Variants in ADAMTSL1 observed in about 807,000 individuals in gnomAD.
ADAMTSL1 encodes ADAMTS-like protein 1.
Under a neutral mutation model 201.8 loss-of-function variants are expected in ADAMTSL1, and 126 were observed. That is an observed-to-expected ratio of 0.62 (90% CI 0.54 to 0.72). The LOEUF (loss-of-function observed/expected upper bound fraction) is 0.72. ADAMTSL1 is among the 30% of genes least tolerant of loss of function. The probability of loss-of-function intolerance (pLI) is 0.00; values close to 1 mark genes in which losing one functional copy is unlikely to be tolerated. For synonymous variants in ADAMTSL1, 1,121 were observed against 903.4 expected, an observed-to-expected ratio of 1.24 and a Z score of -4.32; for missense variants, 2,679 against 2,277.8, an observed-to-expected ratio of 1.18 and a Z score of -3.59.
intron 2 of ADAMTSL1, among the ~76,000 whole-genome samples, chr9:18,335,724 G>A (rs1383765763): frequency 6.6e-6 from 1 of 152,092 alleles, no homozygotes; most frequent in East Asian, 1.9e-4. Context: ...GTCTGTATAA[G>A]GTGGTGTAAA....
intron 2 of ADAMTSL1, among the ~76,000 whole-genome samples, chr9:18,398,348 G>C (rs118160599): frequency 6.6e-6 from 1 of 152,082 alleles, no homozygotes; most frequent in Non-Finnish European, 1.5e-5. Context: ...GTTTAAGAAT[G>C]ACCTGAACAC....
intron 1 of ADAMTSL1, among the ~76,000 whole-genome samples, chr9:18,158,059 A>G (rs1827232132): frequency 6.6e-6 from 1 of 151,980 alleles, no homozygotes; most frequent in East Asian, 1.9e-4. Flanking sequence ...GACCCTTTCA[A>G]CATTGAAAGC....
At chr9:18,005,010 G>A (rs1819755087) in intron 1 of ADAMTSL1, among the ~76,000 whole-genome samples, 1 of 152,100 alleles carries the variant, frequency 6.6e-6, no homozygotes, top group East Asian at 1.9e-4. Flanking sequence ...GAGAGACAAA[G>A]TTTCTGACCT....
chr9:18,269,144 A>G (rs533756715), intron 2 of ADAMTSL1, among the ~76,000 whole-genome samples: 4 of 152,278 alleles, frequency 2.6e-5, no homozygotes, highest in Non-Finnish European at 4.4e-5. Context: ...TCCTTATGCT[A>G]CAAAGACTAT....
At chr9:18,492,448 A>G (rs1822313855) in intron 1 of ADAMTSL1, among the ~76,000 whole-genome samples, 1 of 152,206 alleles carries the variant, frequency 6.6e-6, no homozygotes, top group Admixed American at 6.5e-5. Flanking sequence ...GATCTGCCAT[A>G]GGTTCTGGAT....
intron 1 of ADAMTSL1, among the ~76,000 whole-genome samples, chr9:17,985,453 G>A (rs1464951787): frequency 1.3e-5 from 2 of 151,800 alleles, no homozygotes; most frequent in Non-Finnish European, 2.9e-5. Flanking sequence ...TTAACCACAA[G>A]GAAAATAAAA....
At chr9:18,619,874 T>C (rs1825921502) in intron 4 of ADAMTSL1, among the ~76,000 whole-genome samples, 1 of 152,190 alleles carries the variant, frequency 6.6e-6, no homozygotes, top group African/African-American at 2.4e-5. Flanking sequence ...GTCAAGGATC[T>C]TGTCAGATTA....
chr9:18,894,358 T>TTTTTTTC (rs1458696188), intron 26 of ADAMTSL1, among the ~76,000 whole-genome samples: 1 of 150,830 alleles, frequency 6.6e-6, no homozygotes, highest in Non-Finnish European at 1.5e-5. Context: ...TTTTTTTTTT[T>TTTTTTTC]TTTGAAAAAG....
intron 20 of ADAMTSL1, 37 bp from the exon 21 acceptor site, chr9:18,817,072 C>G: frequency 6.2e-7 from 1 of 1,602,986 alleles, no homozygotes. Context: ...TCCACAGTCA[C>G]CACCAAGTAA....
At chr9:17,942,902 T>C (rs2131351389) in intron 1 of ADAMTSL1, among the ~76,000 whole-genome samples, 1 of 152,300 alleles carries the variant, frequency 6.6e-6, no homozygotes, top group East Asian at 1.9e-4. Flanking sequence ...CCTGATTGCA[T>C]ACTACAATGT....
At chr9:18,349,555 G>A (rs898572707) in intron 2 of ADAMTSL1, among the ~76,000 whole-genome samples, 17 of 152,194 alleles carry the variant, frequency 1.1e-4, no homozygotes, top group Admixed American at 9.2e-4. Flanking sequence ...TTTAAAAGGT[G>A]TAATGCAATT....
intron 2 of ADAMTSL1, among the ~76,000 whole-genome samples, chr9:18,302,625 G>A (rs1457480637): frequency 6.6e-6 from 1 of 152,114 alleles, no homozygotes; most frequent in Non-Finnish European, 1.5e-5. Flanking sequence ...ATTTTAATAT[G>A]ACTTAAACCC....
chr9:18,725,690 A>G (rs923668533), intron 15 of ADAMTSL1, among the ~76,000 whole-genome samples: 1 of 152,224 alleles, frequency 6.6e-6, no homozygotes, highest in African/African-American at 2.4e-5. Context: ...CAGAATAAAA[A>G]AAAAAGAAAG....
At chr9:17,946,107 TGTG>T (rs1827463813) in intron 1 of ADAMTSL1, among the ~76,000 whole-genome samples, 1 of 119,620 alleles carries the variant, frequency 8.4e-6, no homozygotes. Context: ...TGTGTGTGTG[TGTG>T]TACAAACAGA....
intron 10 of ADAMTSL1, 117 bp downstream of exon 10, chr9:18,676,024 A>C (rs1174810525): frequency 9.7e-7 from 1 of 1,028,500 alleles, no homozygotes; most frequent in Non-Finnish European, 1.5e-6. Context: ...TTAAGATGGT[A>C]GATGGTATAT....
In ADAMTSL1 at chr9:18,099,351, ATATATTTTTTTT is replaced by A. The variant is rs1442041563; in HGVS notation, c.88-64509_88-64498del. Among the ~76,000 whole-genome samples the A allele has an allele frequency of 2.7e-4, 14 of 52,638 alleles. 2 individuals carry two copies. Among genetic ancestry groups the A allele is most frequent in the African/African-American group, 1.1e-3 (14 of 12,386 alleles). 34.5% of individuals were successfully genotyped at this position (52,638 alleles called of 152,430 possible). On this transcript the variant is annotated intron_variant, in intron 1 of 29. Transcript: ENST00000680146. ...AATATATATATATATATATATATAT[ATATATTTTTTTT>A]TTTTTTTTTAACATCCATTAATTTT...
rs1827877028 is a variant in ADAMTSL1, at chr9:17,955,005, A to C, written c.87+48083A>C. Reference sequence around the variant, plus strand: ...AGCTTGCAAGATAGGAGTTAAGTGCAAACGGATGTGGCCCCAGTTAAAAAT... The same window carrying C: ...AGCTTGCAAGATAGGAGTTAAGTGCCAACGGATGTGGCCCCAGTTAAAAAT... On this transcript the variant is annotated intron_variant, in intron 1 of 29. Coordinates refer to the ADAMTSL1 transcript ENST00000680146. Among the ~76,000 whole-genome samples, 3 of 152,186 alleles carry C rather than the reference A, an allele frequency of 2.0e-5. No homozygotes were observed. The South Asian group carries it at 6.2e-4, about 32-fold the overall frequency.
chr9:18,274,500 G>A (rs1236846416), intron 2 of ADAMTSL1, among the ~76,000 whole-genome samples: 2 of 152,042 alleles, frequency 1.3e-5, no homozygotes, highest in Admixed American at 6.5e-5. Flanking sequence ...AATCTGCAAT[G>A]TCTGAGGTAT....
intron 2 of ADAMTSL1, among the ~76,000 whole-genome samples, chr9:18,271,055 A>C (rs779995296): frequency 2.6e-5 from 4 of 152,196 alleles, no homozygotes; most frequent in Non-Finnish European, 1.5e-5. Flanking sequence ...CATGAGCAAG[A>C]AATGCATGTT....
Sources: gnomAD v4.1 joint callset for allele counts (sites outside exome capture counted in the v4.1 genomes callset) on GRCh38, gnomAD v4.1.1 for gene constraint, MANE v1.5 for transcripts, NCBI Gene and HGNC (gene_info 2026-07-23, HGNC 2026-07-21) for gene names.